The following THRB variants were observed in gnomAD, a reference collection of about 807,000 sequenced individuals.
The protein encoded by THRB is nuclear receptor subfamily 1 group A member 2.
In THRB, 12 loss-of-function variants were observed where a neutral mutation model predicts 47.8. That is an observed-to-expected ratio of 0.25 (90% CI 0.16 to 0.41). The LOEUF (loss-of-function observed/expected upper bound fraction) is 0.41, where lower values mean the gene tolerates loss of function less well. Ranked by LOEUF, THRB falls within the 10% of genes least tolerant of loss-of-function variation. The pLI, the probability that THRB is intolerant of heterozygous loss-of-function variation, is 1.00. For missense variants in THRB, 348 were observed against 589.2 expected, an observed-to-expected ratio of 0.59 and a Z score of 4.24; for synonymous variants, 218 against 212.2, an observed-to-expected ratio of 1.03 and a Z score of -0.24.
chr3:24,222,989 G>A (rs560914991), intron 4 of THRB, among the ~76,000 whole-genome samples: 13 of 152,172 alleles, frequency 8.5e-5, no homozygotes, highest in Non-Finnish European at 1.3e-4. Context: ...TGCCAGGAGC[G>A]TGTCCATCTA....
At chr3:24,290,899 G>A (rs1277900411) in intron 3 of THRB, among the ~76,000 whole-genome samples, 1 of 152,134 alleles carries the variant, frequency 6.6e-6, no homozygotes, top group Non-Finnish European at 1.5e-5. Context: ...CTATAGGGAG[G>A]TGGCATCTGT....
At chr3:24,422,688 G>T (rs2069383087) in intron 1 of THRB, among the ~76,000 whole-genome samples, 2 of 151,860 alleles carry the variant, frequency 1.3e-5, no homozygotes, top group Non-Finnish European at 2.9e-5. Context: ...GAACTTACTT[G>T]TGGGGACATG....
At chr3:24,151,111 G>A (rs888412560) in intron 6 of THRB, among the ~76,000 whole-genome samples, 3 of 152,106 alleles carry the variant, frequency 2.0e-5, no homozygotes, top group Non-Finnish European at 4.4e-5. Context: ...AGATCAAAGG[G>A]GTCTGGATAA....
At chr3:24,150,160 A>T (rs1360441386) in intron 6 of THRB, among the ~76,000 whole-genome samples, 10 of 152,230 alleles carry the variant, frequency 6.6e-5, no homozygotes, top group Admixed American at 5.9e-4. Context: ...ATCACAACAG[A>T]CATGACATCT....
chr3:24,455,655 G>A (rs571518559), intron 1 of THRB, among the ~76,000 whole-genome samples: 4 of 152,210 alleles, frequency 2.6e-5, no homozygotes, highest in South Asian at 2.1e-4. Flanking sequence ...CTTGACTACC[G>A]CCCCTTTCCA....
At chr3:24,467,477 G>A (rs992940712) in intron 1 of THRB, among the ~76,000 whole-genome samples, 2 of 152,130 alleles carry the variant, frequency 1.3e-5, no homozygotes, top group African/African-American at 4.8e-5. Flanking sequence ...CTCTATCTAT[G>A]CAGCTATAGC....
intron 3 of THRB, among the ~76,000 whole-genome samples, chr3:24,259,864 GTGTGTA>G (rs1436952750): frequency 6.6e-6 from 1 of 152,044 alleles, no homozygotes; most frequent in African/African-American, 2.4e-5. Context: ...AAATGTGTGT[GTGTGTA>G]TGTAAGTTTT....
intron 1 of THRB, among the ~76,000 whole-genome samples, chr3:24,340,324 T>A (rs1194191371): frequency 2.6e-5 from 4 of 151,898 alleles, no homozygotes; most frequent in Non-Finnish European, 4.4e-5. Context: ...TCCTCCTCCT[T>A]CTCCTTCTCC....
At chr3:24,276,167 T>C (rs971165936) in intron 3 of THRB, among the ~76,000 whole-genome samples, 24 of 152,170 alleles carry the variant, frequency 1.6e-4, no homozygotes, top group Non-Finnish European at 2.9e-4. Flanking sequence ...TGCTAAGTAG[T>C]ATTGTTTTTA....
In THRB at chr3:24,290,366, C is replaced by A. The variant is rs371204443; in HGVS notation, c.-43+6860G>T. 1.4e-4 allele frequency among the ~76,000 whole-genome samples: 22 copies of A among 152,256 alleles called. No individual in the cohort carries two copies. In the East Asian group the frequency reaches 3.9e-3, roughly 27 times the overall value. ...ACAACGGAGAGGCACCAGGCCGAGA[C>A]CCTCTTTGGGCCTATCTGAAATGTC... On this transcript the variant is annotated intron_variant, in intron 3 of 10. Coordinates refer to ENST00000646209, the MANE Select transcript of THRB (RefSeq NM_001354712.2).
intron 3 of THRB, among the ~76,000 whole-genome samples, chr3:24,236,466 CATT>C (rs2048887728): frequency 6.6e-6 from 1 of 152,130 alleles, no homozygotes; most frequent in Admixed American, 6.6e-5. Flanking sequence ...TAGGCATCAT[CATT>C]ATTATAGATG....
chr3:24,362,003 G>A (rs1158900631), intron 1 of THRB, among the ~76,000 whole-genome samples: 1 of 152,084 alleles, frequency 6.6e-6, no homozygotes, highest in Non-Finnish European at 1.5e-5. Context: ...TATTGATGAT[G>A]TTACTTTTAC....
At chr3:24,187,571 AGG>A (rs2042758738) in intron 5 of THRB, among the ~76,000 whole-genome samples, 2 of 152,214 alleles carry the variant, frequency 1.3e-5, no homozygotes, top group Admixed American at 1.3e-4. Flanking sequence ...TTGGACATCA[AGG>A]GCAATATCCT....
chr3:24,414,011 A>G (rs1186451099), intron 1 of THRB, among the ~76,000 whole-genome samples: 1 of 151,890 alleles, frequency 6.6e-6, no homozygotes, highest in Admixed American at 6.6e-5. Context: ...TATTTTAAAA[A>G]TTGGACCTCC....
chr3:24,355,800 G>T (rs1374492524), intron 1 of THRB, among the ~76,000 whole-genome samples: 2 of 152,128 alleles, frequency 1.3e-5, no homozygotes. Flanking sequence ...TCATCTGTGG[G>T]TCTGGAGGAG....
intron 2 of THRB, among the ~76,000 whole-genome samples, chr3:24,334,152 T>C (rs370262307): frequency 1.3e-5 from 2 of 152,206 alleles, no homozygotes; most frequent in Admixed American, 1.3e-4. Flanking sequence ...GCAAGGAAAG[T>C]GCTTTTTAGA....
At chr3:24,325,517 T>A (rs1416696627) in intron 2 of THRB, among the ~76,000 whole-genome samples, 1 of 152,144 alleles carries the variant, frequency 6.6e-6, no homozygotes, top group Non-Finnish European at 1.5e-5. Flanking sequence ...CAAAACCCCA[T>A]CCCTATTAAA....
intron 1 of THRB, among the ~76,000 whole-genome samples, chr3:24,372,644 C>T (rs1464750231): frequency 6.6e-6 from 1 of 152,072 alleles, no homozygotes; most frequent in African/African-American, 2.4e-5. Context: ...TTCAGTCAAT[C>T]CCATTCACAT....
intron 1 of THRB, among the ~76,000 whole-genome samples, chr3:24,469,757 T>C (rs1160601176): frequency 6.6e-6 from 1 of 152,208 alleles, no homozygotes; most frequent in Non-Finnish European, 1.5e-5. Context: ...CAACAAACTA[T>C]GAGCGCGTGG....
Sources: gnomAD v4.1 joint callset for allele counts (sites outside exome capture counted in the v4.1 genomes callset) on GRCh38, gnomAD v4.1.1 for gene constraint, MANE v1.5 for transcripts, NCBI Gene and HGNC (gene_info 2026-07-23, HGNC 2026-07-21) for gene names.